The following KDM4A variants were observed in gnomAD, a reference collection of about 807,000 sequenced individuals.
The protein encoded by KDM4A is lysine-specific demethylase 4A.
Under a neutral mutation model 127.1 loss-of-function variants are expected in KDM4A, and 23 were observed. The observed-to-expected ratio is 0.18, with a 90% CI of 0.13 to 0.26. The LOEUF is 0.26. Ranked by LOEUF, KDM4A falls within the 10% of genes least tolerant of loss-of-function variation. KDM4A has a pLI of 1.00. For synonymous variants in KDM4A, 443 were observed against 466.5 expected (o/e 0.95, Z 0.65); for missense variants, 890 against 1,329.1 (o/e 0.67, Z 5.14).
At chr1:43,660,473 G>T in intron 4 of KDM4A, 61 bp downstream of exon 4, 1 of 1,536,842 alleles carries the variant, frequency 6.5e-7, no homozygotes, top group Non-Finnish European at 8.8e-7. Context: ...CCTTTTTTTC[G>T]GCCCGGCACG....
intron 11 of KDM4A, among the ~76,000 whole-genome samples, chr1:43,681,919 C>T (rs902061912): frequency 6.6e-6 from 1 of 152,070 alleles, no homozygotes; most frequent in Non-Finnish European, 1.5e-5. Flanking sequence ...TTAAGACTGT[C>T]GGGCAAGTAT....
Position 43,705,342 on chromosome 1 carries a change from C to G in KDM4A, c.*972C>G, listed in dbSNP as rs1661527038. On this transcript the variant is annotated 3_prime_UTR_variant, in exon 22 of 22. Coordinates refer to ENST00000372396, the MANE Select transcript of KDM4A (RefSeq NM_014663.3). ...AGGGGTTAAACAGGTTTTTGCTCCT[C>G]AAGAATTTGTTTGCCTGGGCCCAGG... 3 of 152,244 alleles carry G rather than the reference C, an allele frequency of 2.0e-5. No individual in the cohort carries two copies. In the East Asian group the frequency reaches 5.8e-4, roughly 29 times the overall value. The allele number at this position is 152,244 out of a possible 1,614,324, so 9.4% of individuals were successfully genotyped here.
chr1:43,704,518 A>C lies in KDM4A; in HGVS notation c.*148A>C, dbSNP rs972931924. The stretch of plus-strand genomic sequence containing the variant: ...TAACCGACCCATCATCTTCTCACCC[A>C]CCCTCATTGCATTCCGCTGTAGTGA... On this transcript the variant is annotated 3_prime_UTR_variant, in exon 22 of 22. Coordinates refer to ENST00000372396, the MANE Select transcript of KDM4A (RefSeq NM_014663.3). 101 of 829,188 alleles carry C rather than the reference A, an allele frequency of 1.2e-4. No individual in the cohort carries two copies. The highest frequency in any genetic ancestry group is 3.0e-4 in the South Asian group (17 of 55,796). 51.4% of individuals were successfully genotyped at this position (829,188 alleles called of 1,614,324 possible). A position where few individuals can be genotyped will look rare whatever the true frequency, so the allele number is the denominator to read the frequency against.
chr1:43,677,674 G>T (rs1378114891), intron 11 of KDM4A, among the ~76,000 whole-genome samples: 1 of 152,152 alleles, frequency 6.6e-6, no homozygotes, highest in Non-Finnish European at 1.5e-5. Context: ...TGATGTTTTG[G>T]AAGATTGTTC....
intron 3 of KDM4A, among the ~76,000 whole-genome samples, chr1:43,658,884 C>T (rs977097418): frequency 3.3e-5 from 5 of 152,010 alleles, no homozygotes; most frequent in Non-Finnish European, 7.4e-5. Context: ...AAGTGATCCT[C>T]CTGCCTCAGC....
Position 43,693,077 on chromosome 1 carries a change from C to CCTGCTGCTT in KDM4A, c.2375+772_2375+780dup, listed in dbSNP as rs1661156918. 6.6e-6 allele frequency among the ~76,000 whole-genome samples: 1 copy of CCTGCTGCTT among 152,224 alleles called. No homozygotes were observed. The highest frequency in any genetic ancestry group is 2.4e-5 in the African/African-American group (1 of 41,464). On this transcript the variant is annotated intron_variant, in intron 16 of 21. Coordinates refer to ENST00000372396, the MANE Select transcript of KDM4A (RefSeq NM_014663.3). This position sits in a 1 kb window ranked among gnomAD's most constrained non-coding sequence, Gnocchi z 4.2. ...CTGTCCCTGAGAGATAGCTACTCTG[C>CCTGCTGCTT]CTGCTGCTTCTGCTCCTTCAAAGGC...
chr1:43,653,068 C>T (rs564263725), intron 1 of KDM4A, 69 bp from the exon 2 acceptor site: 21 of 754,732 alleles, frequency 2.8e-5, no homozygotes, highest in Non-Finnish European at 3.7e-5. Flanking sequence ...TTACTGTTTT[C>T]AGAGTTGATG....
intron 14 of KDM4A, 127 bp from the exon 15 acceptor site, chr1:43,691,369 A>T: frequency 1.2e-6 from 1 of 859,242 alleles, no homozygotes; most frequent in Non-Finnish European, 1.9e-6. Context: ...CTCAGACTAA[A>T]GAAAACTAAG....
At chr1:43,687,924 A>T (rs1661024916) in intron 12 of KDM4A, among the ~76,000 whole-genome samples, 1 of 151,762 alleles carries the variant, frequency 6.6e-6, no homozygotes, top group African/African-American at 2.4e-5. Context: ...TAGCATACCT[A>T]GGAGACACCA....
At chr1:43,703,537 A>G (rs1661462923) in intron 19 of KDM4A, 80 bp from the exon 20 acceptor site, 2 of 1,556,056 alleles carry the variant, frequency 1.3e-6, no homozygotes, top group Non-Finnish European at 1.8e-6. Flanking sequence ...GTCCTGGTTC[A>G]CTCTTCCCTG....
intron 2 of KDM4A, among the ~76,000 whole-genome samples, chr1:43,655,333 T>C (rs1001683259): frequency 3.3e-5 from 5 of 152,226 alleles, no homozygotes; most frequent in African/African-American, 1.2e-4. Context: ...ATCTCCTTTC[T>C]TGGTGTCCAA....
At chr1:43,680,373 C>G (rs1277530080) in intron 11 of KDM4A, among the ~76,000 whole-genome samples, 1 of 152,128 alleles carries the variant, frequency 6.6e-6, no homozygotes, top group Non-Finnish European at 1.5e-5. Flanking sequence ...AAAAGGTGTC[C>G]TCTTCCCTTC....
chr1:43,702,828 C>T (rs1021477357), intron 19 of KDM4A: 2 of 152,024 alleles, frequency 1.3e-5, no homozygotes, highest in African/African-American at 4.8e-5. Context: ...GTAAGGAGTT[C>T]GAGACCAGAC....
intron 18 of KDM4A, among the ~76,000 whole-genome samples, 161 bp downstream of exon 18, chr1:43,695,055 A>T (rs1661211721): frequency 6.6e-6 from 1 of 151,792 alleles, no homozygotes; most frequent in Non-Finnish European, 1.5e-5. Flanking sequence ...GTCCATCTCC[A>T]CTCCCTGCCT....
intron 3 of KDM4A, among the ~76,000 whole-genome samples, chr1:43,658,566 C>T (rs564703878): frequency 7.2e-6 from 1 of 139,136 alleles, no homozygotes; most frequent in East Asian, 2.2e-4. Context: ...TGCAGTGGTG[C>T]TATTTAGGCT....
At chr1:43,650,954 G>A (rs1660102372) in intron 1 of KDM4A, among the ~76,000 whole-genome samples, 1 of 152,220 alleles carries the variant, frequency 6.6e-6, no homozygotes, top group South Asian at 2.1e-4. Flanking sequence ...ACAGATTTGG[G>A]GGAAGGGAAT....
chr1:43,676,532 G>A (rs1487475937), intron 11 of KDM4A, among the ~76,000 whole-genome samples: 2 of 152,014 alleles, frequency 1.3e-5, no homozygotes, highest in Non-Finnish European at 2.9e-5. Flanking sequence ...TCTTGGCCAG[G>A]CTGGTCTTGA....
intron 1 of KDM4A, among the ~76,000 whole-genome samples, chr1:43,651,117 A>G (rs1255768576): frequency 6.6e-6 from 1 of 152,274 alleles, no homozygotes. Context: ...GGCCCCTTTG[A>G]AGGCCCGGGG....
intron 18 of KDM4A, 79 bp from the exon 19 acceptor site, chr1:43,697,764 G>A: frequency 2.3e-6 from 3 of 1,287,648 alleles, no homozygotes; most frequent in Non-Finnish European, 3.3e-6. Flanking sequence ...TGATAAGGAG[G>A]AACTAATTGA....
Sources: gnomAD v4.1 joint callset for allele counts (sites outside exome capture counted in the v4.1 genomes callset) on GRCh38, gnomAD v4.1.1 for gene constraint, Gnocchi (gnomAD v3.1) non-coding constraint, MANE v1.5 for transcripts, NCBI Gene and HGNC (gene_info 2026-07-23, HGNC 2026-07-21) for gene names.